Variants in HPSE2 observed in about 807,000 individuals in gnomAD.
HPSE2 encodes the protein inactive heparanase-2.
A neutral mutation model predicts 60.5 loss-of-function variants in HPSE2; 38 were observed. The ratio of observed to expected loss-of-function variants is 0.63; its 90% confidence interval spans 0.48 to 0.82. HPSE2 has a LOEUF of 0.82. Among genes scored for constraint, HPSE2 ranks in the 40% least tolerant of loss-of-function variants. HPSE2 has a pLI of 0.00. For synonymous variants in HPSE2, 295 were observed against 293.2 expected (o/e 1.01, Z -0.06); for missense variants, 713 against 740.4 (o/e 0.96, Z 0.43).
chr10:99,093,370 A>C (rs1843585253), intron 3 of HPSE2, among the ~76,000 whole-genome samples: 1 of 152,214 alleles, frequency 6.6e-6, no homozygotes, highest in Non-Finnish European at 1.5e-5. Context: ...TGACTTTATA[A>C]ATTTAAAATT....
At chr10:99,133,200 T>C (rs374168075) in intron 3 of HPSE2, among the ~76,000 whole-genome samples, 2 of 152,188 alleles carry the variant, frequency 1.3e-5, no homozygotes, top group Admixed American at 6.5e-5. Flanking sequence ...TTCCCTTCTC[T>C]GGGCAGGGCA....
At chr10:99,077,651 T>C (rs1842991422) in intron 3 of HPSE2, among the ~76,000 whole-genome samples, 1 of 152,108 alleles carries the variant, frequency 6.6e-6, no homozygotes, top group Non-Finnish European at 1.5e-5. Flanking sequence ...TTTAGATCCA[T>C]TAAATATATA....
intron 3 of HPSE2, among the ~76,000 whole-genome samples, chr10:98,835,938 G>C (rs1405157051): frequency 6.6e-6 from 1 of 152,130 alleles, no homozygotes; most frequent in Non-Finnish European, 1.5e-5. Flanking sequence ...AGTCACTCAT[G>C]CTAGGTGCCA....
intron 3 of HPSE2, among the ~76,000 whole-genome samples, chr10:99,063,695 G>A (rs1020870105): frequency 2.6e-5 from 4 of 152,148 alleles, no homozygotes; most frequent in African/African-American, 9.7e-5. Flanking sequence ...GTAAATAAAT[G>A]CCTATACACA....
chr10:99,032,871 A>G (rs1957528649), intron 3 of HPSE2, among the ~76,000 whole-genome samples: 1 of 152,094 alleles, frequency 6.6e-6, no homozygotes, highest in African/African-American at 2.4e-5. Context: ...AATCTCTCAC[A>G]TTTGCTCTTC....
chr10:99,071,736 T>C (rs903348341), intron 3 of HPSE2, among the ~76,000 whole-genome samples: 1 of 152,240 alleles, frequency 6.6e-6, no homozygotes, highest in African/African-American at 2.4e-5. Context: ...TTTGCATTAA[T>C]TTTTGTCCAC....
intron 3 of HPSE2, among the ~76,000 whole-genome samples, chr10:98,795,541 C>G (rs1226494764): frequency 6.6e-6 from 1 of 152,212 alleles, no homozygotes; most frequent in Non-Finnish European, 1.5e-5. Context: ...CTTAGAAAGT[C>G]TCACCGCCAC....
At chr10:98,469,174 T>C (rs12259756) in intron 11 of HPSE2, among the ~76,000 whole-genome samples, 63,077 of 151,986 alleles carry the variant, frequency 0.42, 14,264 homozygotes, top group African/African-American at 0.62. Context: ...CTTAAAATAA[T>C]TTAGCACACT....
chr10:99,185,642 C>T (rs576430392), intron 2 of HPSE2, among the ~76,000 whole-genome samples: 1 of 151,686 alleles, frequency 6.6e-6, no homozygotes, highest in South Asian at 2.1e-4. Context: ...GGCGTAGTGG[C>T]GGGTGTCTTT....
At chr10:98,955,136 T>C (rs1338768901) in intron 3 of HPSE2, among the ~76,000 whole-genome samples, 3 of 151,960 alleles carry the variant, frequency 2.0e-5, no homozygotes, top group East Asian at 1.9e-4. Flanking sequence ...TTTTAACCTA[T>C]GGATTTCATT....
intron 3 of HPSE2, among the ~76,000 whole-genome samples, chr10:98,850,090 T>A (rs1485725622): frequency 6.6e-6 from 1 of 152,156 alleles, no homozygotes; most frequent in Non-Finnish European, 1.5e-5. Flanking sequence ...TTCAAAAATA[T>A]TTATTCTTAC....
intron 9 of HPSE2, among the ~76,000 whole-genome samples, chr10:98,556,990 T>A (rs536084911): frequency 6.6e-6 from 1 of 152,048 alleles, no homozygotes; most frequent in Non-Finnish European, 1.5e-5. Flanking sequence ...GGGGCGTGGA[T>A]CTCGAGGTCA....
the HPSE2 span, among the ~76,000 whole-genome samples, chr10:99,305,971 G>GCACACACACACACACA: frequency 9.7e-3 from 408 of 41,882 alleles, 2 homozygotes; most frequent in South Asian, 0.015. Context: ...ACGCGCGCGC[G>GCACACACACACACACA]CGCGCGCGCA....
At chr10:98,812,165 C>T (rs983137508) in intron 3 of HPSE2, among the ~76,000 whole-genome samples, 4 of 152,138 alleles carry the variant, frequency 2.6e-5, no homozygotes, top group Non-Finnish European at 5.9e-5. Context: ...TAATGTCAGA[C>T]AGGTTTCAAC....
intron 3 of HPSE2, among the ~76,000 whole-genome samples, chr10:98,776,294 A>G (rs2134436517): frequency 6.6e-6 from 1 of 151,522 alleles, no homozygotes; most frequent in Middle Eastern, 3.4e-3. Flanking sequence ...AAAAAAAAAA[A>G]AATTCAGCTG....
intron 2 of HPSE2, among the ~76,000 whole-genome samples, chr10:99,193,197 T>C (rs151174045): frequency 6.6e-6 from 1 of 152,218 alleles, no homozygotes; most frequent in Non-Finnish European, 1.5e-5. Flanking sequence ...GTACAATCAG[T>C]GTTAAACTGT....
chr10:98,571,875 TTCTA>T (rs1240229700), intron 9 of HPSE2, among the ~76,000 whole-genome samples: 4 of 152,166 alleles, frequency 2.6e-5, no homozygotes, highest in East Asian at 1.9e-4. Flanking sequence ...TCACTCAGAT[TTCTA>T]TCTATCTATT....
At chr10:98,986,590 A>C (rs11189921) in intron 3 of HPSE2, among the ~76,000 whole-genome samples, 55,073 of 136,854 alleles carry the variant, frequency 0.4, 10,917 homozygotes, top group Non-Finnish European at 0.53. Flanking sequence ...GAACTAGAGA[A>C]GCAAGAGCAA....
At position 98,965,951 on chromosome 10, in the gene HPSE2, G is replaced by A. The variant is rs368106302; in HGVS notation, c.610+178287C>T. ...ATCACCCAGGCTGGAGTGCAGTGGCGCGAATCTGGGCTCACTGCAACCTCC... is the reference window on the plus strand; with the variant it reads ...ATCACCCAGGCTGGAGTGCAGTGGCACGAATCTGGGCTCACTGCAACCTCC... On this transcript the variant is annotated intron_variant, in intron 3 of 11. Transcript: ENST00000370552. Among the ~76,000 whole-genome samples, 24 of 151,788 alleles carry A rather than the reference G, an allele frequency of 1.6e-4. No individual in the cohort carries two copies. The East Asian group carries it at 2.7e-3, about 17-fold the overall frequency.
Sources: gnomAD v4.1 joint callset for allele counts (sites outside exome capture counted in the v4.1 genomes callset) on GRCh38, gnomAD v4.1.1 for gene constraint, MANE v1.5 for transcripts, NCBI Gene and HGNC (gene_info 2026-07-23, HGNC 2026-07-21) for gene names.